MTCL3: variants seen among roughly 807,000 people sequenced by gnomAD.
The protein encoded by MTCL3 is MTCL family member 3.
the MTCL3 span, among the ~76,000 whole-genome samples, chr6:127,489,839 C>T: frequency 1.3e-5 from 2 of 152,212 alleles, no homozygotes; most frequent in African/African-American, 4.8e-5. Flanking sequence ...GGTTCAGCAG[C>T]AAGTGCTGAT....
chr6:127,497,822 T>C, the MTCL3 span, among the ~76,000 whole-genome samples: 1 of 152,190 alleles, frequency 6.6e-6, no homozygotes, highest in East Asian at 1.9e-4. Flanking sequence ...AAAATTGCAC[T>C]GAGTCAAAAC....
the MTCL3 span, among the ~76,000 whole-genome samples, chr6:127,479,504 G>A: frequency 6.6e-6 from 1 of 152,202 alleles, no homozygotes; most frequent in African/African-American, 2.4e-5. Flanking sequence ...GGCATATACT[G>A]CAAATTGAAT....
At chr6:127,507,842 C>CAAAAAAAAAAAA in the MTCL3 span, among the ~76,000 whole-genome samples, 5 of 82,088 alleles carry the variant, frequency 6.1e-5, no homozygotes, top group Admixed American at 1.3e-4. Flanking sequence ...GACTATGTCT[C>CAAAAAAAAAAAA]AAAAAAAAAA....
At chr6:127,476,713 G>T in the MTCL3 span, among the ~76,000 whole-genome samples, 1 of 152,162 alleles carries the variant, frequency 6.6e-6, no homozygotes, top group African/African-American at 2.4e-5. This position sits in a 1 kb window ranked among gnomAD's most constrained non-coding sequence, Gnocchi z 4.4. Flanking sequence ...AATAACTGTG[G>T]CATCACTATT....
chr6:127,516,002 G>C, the MTCL3 span: 1 of 1,596,654 alleles, frequency 6.3e-7, no homozygotes, highest in Non-Finnish European at 8.5e-7. Flanking sequence ...CCGCCCCTCT[G>C]CTGAGCGCGT....
chr6:127,473,235 A>T, the MTCL3 span: 1 of 1,456,360 alleles, frequency 6.9e-7, no homozygotes, highest in East Asian at 2.7e-5. Context: ...GGTGAACAAA[A>T]TAAACAAACT....
chr6:127,475,484 C>T, the MTCL3 span: 12 of 1,613,504 alleles, frequency 7.4e-6, no homozygotes, highest in Non-Finnish European at 9.3e-6. This position sits in a 1 kb window ranked among gnomAD's most constrained non-coding sequence, Gnocchi z 7.3. Flanking sequence ...TCCCCGTTGG[C>T]CACGTAGATG....
the MTCL3 span, among the ~76,000 whole-genome samples, chr6:127,481,991 T>C: frequency 6.6e-6 from 1 of 152,184 alleles, no homozygotes; most frequent in Non-Finnish European, 1.5e-5. Flanking sequence ...CATGACAGTT[T>C]ACAAATGCCA....
the MTCL3 span, among the ~76,000 whole-genome samples, chr6:127,495,947 C>T: frequency 3.3e-5 from 5 of 152,148 alleles, no homozygotes; most frequent in East Asian, 1.9e-4. Context: ...CATACACTCT[C>T]GGCTGGGCAT....
chr6:127,518,664 T>C, the MTCL3 span: 60,682 of 152,162 alleles, frequency 0.4, 13,986 homozygotes, highest in East Asian at 0.9. Flanking sequence ...GGGTTTATTA[T>C]TGTGCCTTTC....
chr6:127,499,546 G>A, the MTCL3 span, among the ~76,000 whole-genome samples: 1 of 152,130 alleles, frequency 6.6e-6, no homozygotes, highest in East Asian at 1.9e-4. Context: ...ATACAAGAAA[G>A]CTTTTCTGAA....
At chr6:127,507,860 A>AG in the MTCL3 span, among the ~76,000 whole-genome samples, 7 of 149,840 alleles carry the variant, frequency 4.7e-5, no homozygotes, top group East Asian at 2.0e-4. Context: ...AAAAAAAAAA[A>AG]AAAAAAAAAA....
the MTCL3 span, chr6:127,473,437 A>C: frequency 1.5e-6 from 2 of 1,374,480 alleles, no homozygotes; most frequent in African/African-American, 1.5e-5. Flanking sequence ...AATTAATAAT[A>C]ATCTTTAAAA....
At chr6:127,513,948 AAAGT>A in the MTCL3 span, among the ~76,000 whole-genome samples, 3 of 152,240 alleles carry the variant, frequency 2.0e-5, no homozygotes, top group Non-Finnish European at 2.9e-5. Context: ...GTTAAGAAAA[AAAGT>A]AATACGTCTT....
chr6:127,504,472 A>T, the MTCL3 span, among the ~76,000 whole-genome samples: 1,196 of 152,236 alleles, frequency 7.9e-3, 11 homozygotes, highest in South Asian at 0.027. Flanking sequence ...TTTTATGTAA[A>T]AGGCTGAGAC....
At chr6:127,495,427 T>C in the MTCL3 span, among the ~76,000 whole-genome samples, 1 of 152,118 alleles carries the variant, frequency 6.6e-6, no homozygotes, top group Non-Finnish European at 1.5e-5. Context: ...GAAAAAAAAC[T>C]GTGGCCAACA....
chr6:127,482,998 T>C, the MTCL3 span: 4 of 1,584,400 alleles, frequency 2.5e-6, no homozygotes, highest in South Asian at 3.5e-5. This position sits in a 1 kb window ranked among gnomAD's most constrained non-coding sequence, Gnocchi z 4.1. Flanking sequence ...AAACAAAGCA[T>C]GAATATATTT....
chr6:127,481,245 A>G, the MTCL3 span: 1 of 940,384 alleles, frequency 1.1e-6, no homozygotes, highest in Non-Finnish European at 1.3e-6. Context: ...CTCCATAAAC[A>G]AGGTAGGAAA....
At chr6:127,500,819 A>AT in the MTCL3 span, among the ~76,000 whole-genome samples, 3,422 of 149,456 alleles carry the variant, frequency 0.023, 92 homozygotes, top group African/African-American at 0.061. Context: ...AACTGAAAGA[A>AT]TTTTTTTTTT....
Sources: gnomAD v4.1 joint callset for allele counts (sites outside exome capture counted in the v4.1 genomes callset) on GRCh38, gnomAD v4.1.1 for gene constraint, Gnocchi (gnomAD v3.1) non-coding constraint, MANE v1.5 for transcripts, NCBI Gene and HGNC (gene_info 2026-07-23, HGNC 2026-07-21) for gene names.